Variants in SDK2 observed in about 807,000 individuals in gnomAD.
SDK2 encodes the protein sidekick cell adhesion molecule 2, also known as protein sidekick-2.
SDK2 carries 105 observed loss-of-function variants against 253.9 expected under a neutral mutation model. That is an observed-to-expected ratio of 0.41 (90% CI 0.35 to 0.49). SDK2 has a LOEUF of 0.49. Ranked by LOEUF, SDK2 falls within the 20% of genes least tolerant of loss-of-function variation. SDK2 has a pLI of 0.06. For missense variants in SDK2, 2,608 were observed against 3,003.0 expected (o/e 0.87, Z 3.07); for synonymous variants, 1,249 against 1,234.9 (o/e 1.01, Z -0.24).
chr17:73,391,859 G>A (rs371889975), intron 27 of SDK2, among the ~76,000 whole-genome samples: 21 of 152,218 alleles, frequency 1.4e-4, no homozygotes, highest in East Asian at 1.2e-3. Context: ...GGATGGATGC[G>A]TCAGTGCTTC....
chr17:73,423,533 GAC>G lies in SDK2; in HGVS notation c.1761-13_1761-12del, dbSNP rs766833907. Reference sequence around the variant, plus strand: ...GCGTGGGGCAGTTGCCTGGAAAAGAGACACGTGGTCAGGCATCCCTATGTGGT... The same window carrying G: ...GCGTGGGGCAGTTGCCTGGAAAAGAGACGTGGTCAGGCATCCCTATGTGGT... On this transcript the variant is annotated splice_polypyrimidine_tract_variant and intron_variant, in intron 13 of 44. Transcript: ENST00000392650. The G allele has an allele frequency of 5.8e-6, 9 of 1,540,188 alleles. No individual in the cohort carries two copies. The highest frequency in any genetic ancestry group is 7.9e-6 in the Non-Finnish European group (9 of 1,139,540).
intron 36 of SDK2, among the ~76,000 whole-genome samples, chr17:73,369,532 C>A (rs1023730837): frequency 6.6e-6 from 1 of 152,228 alleles, no homozygotes. Flanking sequence ...ACACGTACTT[C>A]CTGGGGTCCG....
At chr17:73,430,866 G>A (rs2063321201) in intron 11 of SDK2, among the ~76,000 whole-genome samples, 1 of 152,204 alleles carries the variant, frequency 6.6e-6, no homozygotes. Flanking sequence ...GTCCAGCCAG[G>A]GTAAAAATAG....
At chr17:73,372,006 T>C (rs1301791921) in intron 36 of SDK2, among the ~76,000 whole-genome samples, 1 of 150,344 alleles carries the variant, frequency 6.7e-6, no homozygotes, top group Admixed American at 6.6e-5. Context: ...AGAGGAAACA[T>C]ATCTCAGAAT....
intron 2 of SDK2, among the ~76,000 whole-genome samples, chr17:73,492,844 C>T (rs1215103588): frequency 6.6e-6 from 1 of 151,950 alleles, no homozygotes; most frequent in Non-Finnish European, 1.5e-5. Context: ...AGTCAGGCGC[C>T]ACGGCAGCCC....
chr17:73,355,159 C>CATATATATATGTATATATATATATAT (rs1355689208), intron 40 of SDK2, among the ~76,000 whole-genome samples: 1 of 48,618 alleles, frequency 2.1e-5, no homozygotes, highest in East Asian at 1.4e-3. Context: ...CCTACACCTC[C>CATATATATATGTATATATATATATAT]ATATATATAT....
intron 1 of SDK2, among the ~76,000 whole-genome samples, chr17:73,603,007 G>A (rs1298870279): frequency 2.6e-5 from 4 of 152,156 alleles, no homozygotes; most frequent in East Asian, 3.9e-4. Context: ...TTATAGGCAT[G>A]AGCCACTGTG....
intron 1 of SDK2, among the ~76,000 whole-genome samples, chr17:73,603,989 C>A (rs540201230): frequency 6.6e-6 from 1 of 152,244 alleles, no homozygotes; most frequent in South Asian, 2.1e-4. Flanking sequence ...AACCCACCAA[C>A]GTCAGCTGGC....
intron 4 of SDK2, among the ~76,000 whole-genome samples, chr17:73,448,795 G>C (rs1274274570): frequency 2.6e-5 from 4 of 151,916 alleles, no homozygotes; most frequent in Non-Finnish European, 4.4e-5. Flanking sequence ...TGAGTAGCTG[G>C]GATTACAGGT....
At chr17:73,505,792 C>G (rs943766540) in intron 2 of SDK2, among the ~76,000 whole-genome samples, 2 of 152,156 alleles carry the variant, frequency 1.3e-5, no homozygotes, top group Non-Finnish European at 2.9e-5. Context: ...ACCTCATCAT[C>G]ATCAATAGCT....
chr17:73,379,533 C>A lies in SDK2; in HGVS notation c.4779G>T (p.Arg1593Ser). The A allele has an allele frequency of 6.2e-7, 1 of 1,611,974 alleles. No individual in the cohort carries two copies. The highest frequency in any genetic ancestry group is 8.5e-7 in the Non-Finnish European group (1 of 1,178,824). Residue 1593 changes from arginine (R) to serine (S), a missense_variant, in exon 35 of 45, where the codon AGG becomes AGT. Physicochemically the swap from Arg to Ser is moderately radical, Grantham distance 110 (BLOSUM62 -1). This residue lies in a region of SDK2 where 1,103 missense variants were observed against 1,143.9 expected (regional missense o/e 0.96). Coordinates refer to ENST00000392650, the MANE Select transcript of SDK2 (RefSeq NM_001144952.2). The surrounding 1 kb of genome is among the most constrained non-coding windows in gnomAD (Gnocchi z 4.5). ...ACACGCTCATCCGTATCTCGTACCG[C>A]CTGTGCTTGTTCAGGTCTGTGGGGG... is the stretch of plus-strand genomic sequence containing the variant. ...QYELDNLNKH[R>S]RYEIRMSVYN...
At chr17:73,483,350 T>C (rs951567969) in intron 2 of SDK2, among the ~76,000 whole-genome samples, 6 of 144,176 alleles carry the variant, frequency 4.2e-5, no homozygotes, top group Non-Finnish European at 7.5e-5. Context: ...TCTCATCCTT[T>C]TGCTCAGGCT....
intron 18 of SDK2, among the ~76,000 whole-genome samples, chr17:73,414,195 C>A (rs778766604): frequency 1.3e-4 from 19 of 151,790 alleles, no homozygotes; most frequent in African/African-American, 4.6e-4. Flanking sequence ...TTACAGGCGC[C>A]CCTGCCACCA....
At chr17:73,432,519 A>C (rs2063333529) in intron 10 of SDK2, among the ~76,000 whole-genome samples, 1 of 152,132 alleles carries the variant, frequency 6.6e-6, no homozygotes, top group Non-Finnish European at 1.5e-5. Flanking sequence ...ATGTTTATTG[A>C]GTGCCTACCG....
chr17:73,585,128 G>A (rs1198776424), intron 1 of SDK2, among the ~76,000 whole-genome samples: 2 of 152,232 alleles, frequency 1.3e-5, no homozygotes, highest in Non-Finnish European at 2.9e-5. Flanking sequence ...AGCGGGGAAA[G>A]TGGTGCTGAT....
rs142623001 is a variant in SDK2, at chr17:73,388,054, G to A, written c.4193-17C>T. Reference sequence around the variant, plus strand: ...GCGGACGGTCTGGGAGGTGGCAGAGGGGGAGGAGCAGGTGAGTGGGCCAGG... The same window carrying A: ...GCGGACGGTCTGGGAGGTGGCAGAGAGGGAGGAGCAGGTGAGTGGGCCAGG... On this transcript the variant is annotated splice_polypyrimidine_tract_variant and intron_variant, in intron 29 of 44. Transcript: ENST00000392650. 2.6e-6 allele frequency: 4 copies of A among 1,554,994 alleles called. No individual in the cohort carries two copies. Among genetic ancestry groups the A allele is most frequent in the African/African-American group, 1.4e-5 (1 of 73,606 alleles).
At chr17:73,539,028 C>T (rs2044823713) in intron 1 of SDK2, among the ~76,000 whole-genome samples, 2 of 152,254 alleles carry the variant, frequency 1.3e-5, no homozygotes, top group South Asian at 4.2e-4. Flanking sequence ...GAGCCTCCCT[C>T]TAAGAGGAAG....
intron 12 of SDK2, among the ~76,000 whole-genome samples, chr17:73,424,571 C>T (rs925447862): frequency 2.6e-5 from 4 of 152,148 alleles, no homozygotes; most frequent in South Asian, 2.1e-4. Flanking sequence ...CCTTTAGCTT[C>T]GGTCAGTCAA....
chr17:73,399,144 G>A, intron 22 of SDK2, 24 bp downstream of exon 22: 1 of 1,612,152 alleles, frequency 6.2e-7, no homozygotes, highest in Non-Finnish European at 8.5e-7. Context: ...GGGGGCTGCT[G>A]GTCAGGCCCC....
Sources: gnomAD v4.1 joint callset for allele counts (sites outside exome capture counted in the v4.1 genomes callset) on GRCh38, gnomAD v4.1.1 for gene constraint, gnomAD v4.1.1 regional missense constraint, Gnocchi (gnomAD v3.1) non-coding constraint, MANE v1.5 for transcripts, NCBI Gene and HGNC (gene_info 2026-07-23, HGNC 2026-07-21) for gene names.